Variants in TSPEAR observed in about 807,000 individuals in gnomAD.
TSPEAR encodes the protein thrombospondin-type laminin G domain and EAR repeat-containing protein.
Under a neutral mutation model 71.6 loss-of-function variants are expected in TSPEAR, and 69 were observed. The observed-to-expected ratio is 0.96, with a 90% confidence interval of 0.79 to 1.18. The LOEUF is 1.18. Ranked by LOEUF, TSPEAR falls within the 50% of genes most tolerant of loss-of-function variation. TSPEAR has a pLI of 0.00. For synonymous variants in TSPEAR, 402 were observed against 387.2 expected, an observed-to-expected ratio of 1.04 and a Z score of -0.45; for missense variants, 971 against 894.9, an observed-to-expected ratio of 1.09 and a Z score of -1.09.
intron 2 of TSPEAR, among the ~76,000 whole-genome samples, chr21:44,538,700 G>A (rs587771827): frequency 1.3e-5 from 2 of 152,290 alleles, no homozygotes; most frequent in Middle Eastern, 3.4e-3. Flanking sequence ...TCTCCCAGGT[G>A]AGAGAGTGGG....
At chr21:44,551,404 C>T in intron 2 of TSPEAR, 1 of 1,613,358 alleles carries the variant, frequency 6.2e-7, no homozygotes, top group Non-Finnish European at 8.5e-7. Flanking sequence ...CAGTCGTCCA[C>T]CTGCCAGGAG....
chr21:44,600,806 A>G lies in TSPEAR; in HGVS notation c.83-32801T>C, dbSNP rs4818725. The G allele has an allele frequency of 8.5e-3, 13,401 of 1,570,266 alleles. 2,100 individuals are homozygous for G. In the African/African-American group the frequency reaches 0.17, roughly 19 times the overall value. On this transcript the variant is annotated intron_variant, in intron 1 of 11. Coordinates refer to ENST00000323084, the MANE Select transcript of TSPEAR (RefSeq NM_144991.3). Reference sequence around the variant, plus strand: ...AGCCTGGTCTGCACCCCAGTGAGCTATGTGTCCAGCCCCTGCTGCCGAGTG... The same window carrying G: ...AGCCTGGTCTGCACCCCAGTGAGCTGTGTGTCCAGCCCCTGCTGCCGAGTG...
intron 1 of TSPEAR, among the ~76,000 whole-genome samples, chr21:44,582,814 CT>C (rs1979078215): frequency 1.4e-5 from 2 of 141,184 alleles, no homozygotes; most frequent in Non-Finnish European, 1.5e-5. Flanking sequence ...CTTTCTTTCT[CT>C]TTCTTTCTTT....
In TSPEAR at chr21:44,572,834, GACACACACACACACACACACACAC is replaced by G. The variant is rs71199612; in HGVS notation, c.83-4853_83-4830del. Among the ~76,000 whole-genome samples the G allele has an allele frequency of 1.1e-3, 138 of 124,892 alleles. 1 individual carries two copies. The East Asian group carries it at 0.013, about 12-fold the overall frequency. 81.9% of individuals were successfully genotyped at this position (124,892 alleles called of 152,430 possible). On this transcript the variant is annotated intron_variant, in intron 1 of 11. Coordinates refer to ENST00000323084, the MANE Select transcript of TSPEAR (RefSeq NM_144991.3). ...TATCCTTATAAAAAGGGGAGATTTG[GACACACACACACACACACACACAC>G]ACACACACACACACACACACACACA...
chr21:44,627,338 C>T, intron 1 of TSPEAR: 1 of 1,613,298 alleles, frequency 6.2e-7, no homozygotes, highest in South Asian at 1.1e-5. Context: ...GTATCCAGCC[C>T]CTGCTGCCAG....
intron 1 of TSPEAR, among the ~76,000 whole-genome samples, chr21:44,625,598 C>A (rs11910181): frequency 0.14 from 21,793 of 152,234 alleles, 3,005 homozygotes; most frequent in African/African-American, 0.36. Flanking sequence ...CTATCCCCAG[C>A]GTTCCCACAT....
rs782551121 is a variant in TSPEAR at position 44,637,376 on chromosome 21, C to A, written c.83-69371G>T. Reference sequence around the variant, plus strand: ...ACACACACTCACTCACACACTCACTCACTCACACACCTCCCCCAGCTCACC... The same window carrying A: ...ACACACACTCACTCACACACTCACTAACTCACACACCTCCCCCAGCTCACC... On this transcript the variant is annotated intron_variant, in intron 1 of 11. Transcript: ENST00000323084. 11 of 1,579,458 alleles carry A rather than the reference C, an allele frequency of 7.0e-6. No homozygotes were observed. The Middle Eastern group carries it at 6.2e-4, about 88-fold the overall frequency.
intron 1 of TSPEAR, among the ~76,000 whole-genome samples, chr21:44,577,885 T>C (rs1366070532): frequency 2.6e-5 from 4 of 152,244 alleles, no homozygotes; most frequent in Non-Finnish European, 4.4e-5. Flanking sequence ...TCATCTTGAA[T>C]TCTCACATGT....
intron 10 of TSPEAR, among the ~76,000 whole-genome samples, chr21:44,507,416 C>T (rs1555912046): frequency 1.3e-5 from 2 of 152,212 alleles, no homozygotes; most frequent in African/African-American, 4.8e-5. Context: ...TTGGTGAGGC[C>T]ACATCACGTC....
chr21:44,531,454 G>A (rs2052970633), intron 3 of TSPEAR, among the ~76,000 whole-genome samples: 1 of 152,142 alleles, frequency 6.6e-6, no homozygotes, highest in Non-Finnish European at 1.5e-5. Flanking sequence ...TCCTGGTAAG[G>A]ATCCTAGTCA....
chr21:44,588,914 A>T lies in TSPEAR; in HGVS notation c.83-20909T>A, dbSNP rs587675160. On this transcript the variant is annotated intron_variant, in intron 1 of 11. Transcript: ENST00000323084. ...GTAACTCAGGAATGGAAAACCAAAC[A>T]TCATATGTTCTCACTCATAAGTGGA... is the stretch of plus-strand genomic sequence containing the variant. 5.4e-3 allele frequency among the ~76,000 whole-genome samples: 824 copies of T among 151,876 alleles called. 10 individuals are homozygous for T. The highest frequency in any genetic ancestry group is 0.017 in the African/African-American group (718 of 41,340).
At chr21:44,542,364 G>A (rs1333674677) in intron 2 of TSPEAR, among the ~76,000 whole-genome samples, 2 of 152,142 alleles carry the variant, frequency 1.3e-5, no homozygotes, top group Non-Finnish European at 2.9e-5. Context: ...AATCCTACAA[G>A]GAGAGGAGTG....
intron 1 of TSPEAR, among the ~76,000 whole-genome samples, chr21:44,597,437 CTT>C (rs56129761): frequency 4.5e-4 from 54 of 119,060 alleles, no homozygotes; most frequent in Admixed American, 6.5e-4. Flanking sequence ...TCTTTCTTTT[CTT>C]TTTTTTTTTT....
At position 44,560,181 on chromosome 21, in the gene TSPEAR, AT is replaced by A. The variant is rs199878986; in HGVS notation, c.303+7603del. Among the ~76,000 whole-genome samples, 1,066 of 152,296 alleles carry A rather than the reference AT, an allele frequency of 7.0e-3. 14 individuals are homozygous for A. Among genetic ancestry groups the A allele is most frequent in the African/African-American group, 0.025 (1,020 of 41,558 alleles). ...GAAAGCAACGTAAGCAGGGGTTGCAATCCTAGTCTCTGATAAAACAGACTTT... is the reference window on the plus strand; with the variant it reads ...GAAAGCAACGTAAGCAGGGGTTGCAACCTAGTCTCTGATAAAACAGACTTT... On this transcript the variant is annotated intron_variant, in intron 2 of 11. Transcript: ENST00000323084.
intron 1 of TSPEAR, among the ~76,000 whole-genome samples, chr21:44,625,128 C>T (rs1982683834): frequency 6.6e-6 from 1 of 152,186 alleles, no homozygotes; most frequent in Admixed American, 6.5e-5. Context: ...ATTATTTCAG[C>T]CCATTTTTAT....
chr21:44,689,082 G>A (rs1986992107), intron 1 of TSPEAR, among the ~76,000 whole-genome samples: 1 of 152,132 alleles, frequency 6.6e-6, no homozygotes, highest in African/African-American at 2.4e-5. Context: ...AGCAAGAGAG[G>A]AGCCCGGGCA....
intron 1 of TSPEAR, chr21:44,627,480 CTGCTGCAAGCCTGTG>C (rs1569227439): frequency 6.5e-7 from 1 of 1,543,264 alleles, no homozygotes; most frequent in Admixed American, 2.1e-5. Flanking sequence ...GCGTGCCCGT[CTGCTGCAAGCCTGTG>C]TGCTGCGTGC....
chr21:44,502,719 T>G (rs2052057858), intron 11 of TSPEAR, among the ~76,000 whole-genome samples: 1 of 152,220 alleles, frequency 6.6e-6, no homozygotes, highest in African/African-American at 2.4e-5. Context: ...CGCCGGGCCA[T>G]CCACTGGGCC....
chr21:44,573,694 A>G lies in TSPEAR; in HGVS notation c.83-5689T>C, dbSNP rs1978294307. 3.2e-6 allele frequency: 5 copies of G among 1,573,498 alleles called. No individual in the cohort carries two copies. In the South Asian group the frequency reaches 6.0e-5, roughly 19 times the overall value. On this transcript the variant is annotated intron_variant, in intron 1 of 11. Transcript: ENST00000323084. ...AAAGCCCCACAAACCCGAGCACCTCACTCACTCGCTCACCCACTCCCTCCC... is the reference window on the plus strand; with the variant it reads ...AAAGCCCCACAAACCCGAGCACCTCGCTCACTCGCTCACCCACTCCCTCCC...
Sources: gnomAD v4.1 joint callset for allele counts (sites outside exome capture counted in the v4.1 genomes callset) on GRCh38, gnomAD v4.1.1 for gene constraint, MANE v1.5 for transcripts, NCBI Gene and HGNC (gene_info 2026-07-23, HGNC 2026-07-21) for gene names.